Variants in DNAH11 observed in about 807,000 individuals in gnomAD.
DNAH11 encodes the protein dynein axonemal heavy chain 11, also known as axonemal beta dynein heavy chain 11.
In DNAH11, 442 loss-of-function variants were observed where a neutral mutation model predicts 526.0. The observed-to-expected ratio is 0.84, with a 90% CI of 0.78 to 0.91. The LOEUF (loss-of-function observed/expected upper bound fraction) is 0.91, where lower values mean the gene tolerates loss of function less well. Among genes scored for constraint, DNAH11 ranks in the 40% least tolerant of loss-of-function variants. The pLI is 0.00. For missense variants in DNAH11, 6,989 were observed against 5,448.7 expected, an observed-to-expected ratio of 1.28 and a Z score of -8.90; for synonymous variants, 2,461 against 1,935.9, an observed-to-expected ratio of 1.27 and a Z score of -7.12.
chr7:21,893,986 T>G (rs1784417602), intron 77 of DNAH11, among the ~76,000 whole-genome samples: 1 of 152,216 alleles, frequency 6.6e-6, no homozygotes, highest in South Asian at 2.1e-4. Context: ...ACTCTCGGAT[T>G]CAAGCGATTT....
Position 21,859,587 on chromosome 7 carries a change from G to T in DNAH11, c.11203-2266G>T, listed in dbSNP as rs533244838. 2.6e-5 allele frequency among the ~76,000 whole-genome samples: 4 copies of T among 152,200 alleles called. No individual in the cohort carries two copies. In the East Asian group the frequency reaches 5.8e-4, roughly 22 times the overall value. ...TAATGCCTTCTTACCAATGTTTACT[G>T]TATATATCTGTCATTGTAGGATTTT... On this transcript the variant is annotated intron_variant, in intron 68 of 81. Transcript: ENST00000409508.
chr7:21,876,941 A>T (rs575147933), intron 74 of DNAH11, among the ~76,000 whole-genome samples: 1 of 152,250 alleles, frequency 6.6e-6, no homozygotes, highest in Non-Finnish European at 1.5e-5. Context: ...ATTAGCAAGA[A>T]GACATTTTAA....
chr7:21,748,645 G>C lies in DNAH11; in HGVS notation c.8576G>C (p.Ser2859Thr). The C allele has an allele frequency of 6.2e-7, 1 of 1,613,468 alleles. No homozygotes were observed. Among genetic ancestry groups the C allele is most frequent in the Non-Finnish European group, 8.5e-7 (1 of 1,179,540 alleles). The change falls in exon 52 of 82, where the codon AGT becomes ACT. Residue 2859 changes from serine to threonine, a missense_variant. Ser to Thr is a moderately conservative substitution (Grantham distance 58, BLOSUM62 1). Transcript: ENST00000409508. ...GCALLVGVGG[S>T]GKQSLSRLAA... is the part of the protein sequence containing the mutation. Reference sequence around the variant, plus strand: ...GCTCTCTTGGTTGGAGTTGGGGGCAGTGGCAAGCAGAGCTTGTCCAGGCTG... The same window carrying C: ...GCTCTCTTGGTTGGAGTTGGGGGCACTGGCAAGCAGAGCTTGTCCAGGCTG...
chr7:21,559,888 A>T lies in DNAH11; in HGVS notation c.882+96A>T, dbSNP rs560735811. The T allele has an allele frequency of 3.8e-6, 4 of 1,048,418 alleles. No individual in the cohort carries two copies. The East Asian group carries it at 1.1e-4, about 28-fold the overall frequency. 64.9% of individuals were successfully genotyped at this position (1,048,418 alleles called of 1,614,324 possible). ...TAAAGATTTAACACACTGTCTTTGT[A>T]TAATTTACTGGTCTGCCCTCTTTTC... On this transcript the variant is annotated intron_variant, in intron 4 of 81. Transcript: ENST00000409508.
chr7:21,647,507 G>A (rs1387688035), intron 28 of DNAH11, among the ~76,000 whole-genome samples: 1 of 140,574 alleles, frequency 7.1e-6, no homozygotes. Flanking sequence ...TCGGCTCACT[G>A]CAGGCTCCGC....
At chr7:21,654,950 G>A (rs973840254) in intron 28 of DNAH11, among the ~76,000 whole-genome samples, 5 of 152,176 alleles carry the variant, frequency 3.3e-5, no homozygotes, top group African/African-American at 1.2e-4. Flanking sequence ...AGATGAATAA[G>A]TGTTGTTCAT....
At chr7:21,836,536 C>T (rs1782004211) in intron 65 of DNAH11, among the ~76,000 whole-genome samples, 1 of 152,116 alleles carries the variant, frequency 6.6e-6, no homozygotes, top group African/African-American at 2.4e-5. Flanking sequence ...AAAATGATAA[C>T]CACATGCAGA....
intron 22 of DNAH11, among the ~76,000 whole-genome samples, chr7:21,616,877 A>G (rs1242523315): frequency 6.6e-6 from 1 of 152,192 alleles, no homozygotes; most frequent in Non-Finnish European, 1.5e-5. Flanking sequence ...GGCAAAATGC[A>G]TATCAGTGAA....
At chr7:21,820,402 T>C (rs1291123281) in intron 65 of DNAH11, among the ~76,000 whole-genome samples, 1 of 152,204 alleles carries the variant, frequency 6.6e-6, no homozygotes, top group Admixed American at 6.5e-5. Context: ...AAAGACTTCT[T>C]GGAAAAAATT....
Position 21,622,557 on chromosome 7 carries a change from C to T in DNAH11, c.4500+2479C>T, listed in dbSNP as rs190385791. Among the ~76,000 whole-genome samples the T allele has an allele frequency of 4.0e-4, 61 of 152,116 alleles. 1 individual carries two copies. In the East Asian group the frequency reaches 6.8e-3, roughly 17 times the overall value. On this transcript the variant is annotated intron_variant, in intron 25 of 81. Coordinates refer to ENST00000409508, the MANE Select transcript of DNAH11 (RefSeq NM_001277115.2). ...ACAAGCCTGGAGTCATCACACTACC[C>T]GACTTCAAACTATACTACAAGGCTA... is the stretch of plus-strand genomic sequence containing the variant.
intron 52 of DNAH11, 50 bp from the exon 53 acceptor site, chr7:21,749,628 A>G: frequency 6.2e-7 from 1 of 1,606,674 alleles, no homozygotes; most frequent in Non-Finnish European, 8.5e-7. Flanking sequence ...CAACCTCTCA[A>G]CGCCGCATCA....
rs373903103 is a variant in DNAH11 at position 21,789,260 on chromosome 7, C to G, written c.9944C>G (p.Pro3315Arg). The change falls in exon 61 of 82, where the codon CCA becomes CGA. Residue 3315 changes from proline to arginine, a missense_variant. Physicochemically the swap from Pro to Arg is moderately radical, Grantham distance 103. Transcript: ENST00000409508. ...TTTCAGGTCTACTGTGATGTGGAGCCAAAACGCCAAGCATTAGCCCAAGCA... is the reference window on the plus strand; with the variant it reads ...TTTCAGGTCTACTGTGATGTGGAGCGAAAACGCCAAGCATTAGCCCAAGCA... ...KFYEVYCDVE[P>R]KRQALAQANL... The G allele has an allele frequency of 6.4e-7, 1 of 1,572,894 alleles. No individual in the cohort carries two copies. Among genetic ancestry groups the G allele is most frequent in the Non-Finnish European group, 8.6e-7 (1 of 1,158,572 alleles).
rs966069754 is a variant in DNAH11 at position 21,739,751 on chromosome 7, G to A, written c.7914+78G>A. 25 of 1,117,096 alleles carry A rather than the reference G, an allele frequency of 2.2e-5. No homozygotes were observed. In the Middle Eastern group the frequency reaches 6.0e-4, roughly 27 times the overall value. The allele number at this position is 1,117,096 out of a possible 1,614,324, so 69.2% of individuals were successfully genotyped here. ...TCGAGTACAGCTTAGGATTCCTATGGGACATCTTGTTAAGCACGTTTCTCA... is the reference window on the plus strand; with the variant it reads ...TCGAGTACAGCTTAGGATTCCTATGAGACATCTTGTTAAGCACGTTTCTCA... On this transcript the variant is annotated intron_variant, in intron 48 of 81. Coordinates refer to ENST00000409508, the MANE Select transcript of DNAH11 (RefSeq NM_001277115.2).
At chr7:21,722,533 C>T (rs1405010838) in intron 44 of DNAH11, among the ~76,000 whole-genome samples, 2 of 152,112 alleles carry the variant, frequency 1.3e-5, no homozygotes, top group Non-Finnish European at 2.9e-5. Flanking sequence ...TTGGCCAGTT[C>T]CACTTCTCGC....
chr7:21,756,565 A>G (rs982758456), intron 54 of DNAH11, among the ~76,000 whole-genome samples: 28 of 152,144 alleles, frequency 1.8e-4, no homozygotes, highest in African/African-American at 6.0e-4. Context: ...AAAAAATTCA[A>G]TGAAAATTGA....
chr7:21,779,143 T>G (rs1193909800), intron 57 of DNAH11, 39 bp downstream of exon 57: 2 of 1,580,200 alleles, frequency 1.3e-6, no homozygotes, highest in East Asian at 2.3e-5. Flanking sequence ...GGAGCTATAT[T>G]TAGCACAAAA....
chr7:21,855,834 A>T (rs1217569497), intron 68 of DNAH11, among the ~76,000 whole-genome samples: 1 of 152,164 alleles, frequency 6.6e-6, no homozygotes, highest in African/African-American at 2.4e-5. Flanking sequence ...ATAGATATAT[A>T]TGTACACATA....
intron 45 of DNAH11, among the ~76,000 whole-genome samples, chr7:21,731,114 A>G (rs571181235): frequency 1.3e-5 from 2 of 152,256 alleles, no homozygotes; most frequent in African/African-American, 4.8e-5. Flanking sequence ...ATTGGACTCC[A>G]TCCTGGGCAA....
At position 21,899,882 on chromosome 7, in the gene DNAH11, A is replaced by G. The variant is rs993931784; in HGVS notation, c.13163-98A>G. 6.3e-6 allele frequency: 9 copies of G among 1,435,262 alleles called. No individual in the cohort carries two copies. The African/African-American group carries it at 1.0e-4, about 16-fold the overall frequency. The allele number at this position is 1,435,262 out of a possible 1,614,324, so 88.9% of individuals were successfully genotyped here. ...GTGCCAATGCCCAAGAACCTAAAACACCCTATGGGACTAAAGGATGCCTCA... is the reference window on the plus strand; with the variant it reads ...GTGCCAATGCCCAAGAACCTAAAACGCCCTATGGGACTAAAGGATGCCTCA... On this transcript the variant is annotated intron_variant, in intron 80 of 81. Transcript: ENST00000409508.
Sources: allele counts gnomAD v4.1 joint callset (sites outside exome capture counted in the v4.1 genomes callset), GRCh38; gene constraint gnomAD v4.1.1; transcripts MANE v1.5; gene names NCBI Gene and HGNC (gene_info 2026-07-23, HGNC 2026-07-21).